PCSK6: variants seen among roughly 807,000 people sequenced by gnomAD.
PCSK6 encodes proprotein convertase subtilisin/kexin type 6.
In PCSK6, 85 loss-of-function variants were observed where a neutral mutation model predicts 123.3. The ratio of observed to expected loss-of-function variants is 0.69; its 90% CI spans 0.58 to 0.83. The LOEUF (loss-of-function observed/expected upper bound fraction) is 0.83. PCSK6 is among the 40% of genes least tolerant of loss of function. The pLI is 0.00. For missense variants in PCSK6, 1,191 were observed against 1,282.3 expected (o/e 0.93, Z 1.09); for synonymous variants, 508 against 516.0 (o/e 0.98, Z 0.21).
chr15:101,474,535 AC>A (rs935303803), intron 1 of PCSK6, among the ~76,000 whole-genome samples: 8 of 152,014 alleles, frequency 5.3e-5, no homozygotes, highest in South Asian at 4.2e-4. Flanking sequence ...CAGCAAATGA[AC>A]CCCCCTACCC....
At chr15:101,426,135 C>T (rs1442472833) in intron 6 of PCSK6, among the ~76,000 whole-genome samples, 2 of 152,200 alleles carry the variant, frequency 1.3e-5, no homozygotes, top group Middle Eastern at 3.2e-3. Flanking sequence ...CAAAGCAACA[C>T]AAATGGTTTT....
At chr15:101,442,643 G>C (rs1037718945) in intron 2 of PCSK6, among the ~76,000 whole-genome samples, 2 of 152,028 alleles carry the variant, frequency 1.3e-5, no homozygotes, top group Admixed American at 1.3e-4. Flanking sequence ...TCTGGAAATA[G>C]CTGAAATAAT....
rs113117643 is a variant in PCSK6 at position 101,339,910 on chromosome 15, A to AATATAT, written c.1859-7885_1859-7880dup. Among the ~76,000 whole-genome samples the AATATAT allele has an allele frequency of 5.8e-3, 846 of 146,984 alleles. 7 individuals carry two copies. The highest frequency in any genetic ancestry group is 0.012 in the South Asian group (56 of 4,568). On this transcript the variant is annotated intron_variant, in intron 13 of 21. Coordinates refer to ENST00000611716, the MANE Select transcript of PCSK6 (RefSeq NM_002570.5). Reference sequence around the variant, plus strand: ...GGGTGACAGAGCAAGACCCTTTCTCAATATATATATATATATATATATAAA... The same window carrying AATATAT: ...GGGTGACAGAGCAAGACCCTTTCTCAATATATATATATATATATATATATATATAAA...
chr15:101,321,074 C>T (rs1418197654), intron 18 of PCSK6, among the ~76,000 whole-genome samples: 1 of 152,220 alleles, frequency 6.6e-6, no homozygotes, highest in African/African-American at 2.4e-5. Context: ...GAACACAGAG[C>T]CTCCTCTTCC....
At chr15:101,486,658 G>A (rs974728614) in intron 1 of PCSK6, among the ~76,000 whole-genome samples, 1 of 152,194 alleles carries the variant, frequency 6.6e-6, no homozygotes, top group Non-Finnish European at 1.5e-5. Flanking sequence ...CTGAAAGGGA[G>A]CCATGACACA....
chr15:101,421,599 T>C (rs928620247), intron 6 of PCSK6, among the ~76,000 whole-genome samples: 1 of 152,146 alleles, frequency 6.6e-6, no homozygotes, highest in African/African-American at 2.4e-5. Context: ...AGCAACCCTC[T>C]GGAAAGGTAC....
At chr15:101,376,174 C>A (rs1415771109) in intron 11 of PCSK6, among the ~76,000 whole-genome samples, 3 of 152,126 alleles carry the variant, frequency 2.0e-5, no homozygotes, top group African/African-American at 7.2e-5. Flanking sequence ...CTCACTGGAG[C>A]CTTGACCTCC....
At chr15:101,408,402 A>G (rs1191823882) in intron 6 of PCSK6, among the ~76,000 whole-genome samples, 1 of 152,240 alleles carries the variant, frequency 6.6e-6, no homozygotes, top group Non-Finnish European at 1.5e-5. Context: ...TGCAGCCCAC[A>G]GCATTCGAGA....
At chr15:101,464,989 G>A (rs2057424309) in intron 1 of PCSK6, among the ~76,000 whole-genome samples, 1 of 152,134 alleles carries the variant, frequency 6.6e-6, no homozygotes, top group African/African-American at 2.4e-5. Context: ...GCAGGACCTG[G>A]GGAGAGGCTC....
intron 13 of PCSK6, among the ~76,000 whole-genome samples, chr15:101,352,589 A>C (rs865824529): frequency 1.3e-5 from 2 of 152,210 alleles, no homozygotes; most frequent in Non-Finnish European, 2.9e-5. Context: ...TATCCTTAGC[A>C]TATCTCTGTG....
chr15:101,374,526 G>A (rs568212442), intron 11 of PCSK6, among the ~76,000 whole-genome samples: 2 of 152,184 alleles, frequency 1.3e-5, no homozygotes, highest in Non-Finnish European at 2.9e-5. Flanking sequence ...CACTTGCTTT[G>A]TTCCTCACTG....
chr15:101,365,452 C>G (rs2041359484), intron 13 of PCSK6, among the ~76,000 whole-genome samples: 1 of 152,108 alleles, frequency 6.6e-6, no homozygotes, highest in African/African-American at 2.4e-5. Flanking sequence ...TCATATATTG[C>G]TGGCCGGAAT....
intron 1 of PCSK6, among the ~76,000 whole-genome samples, chr15:101,471,060 G>A (rs1183810068): frequency 2.0e-5 from 3 of 152,226 alleles, no homozygotes; most frequent in South Asian, 4.2e-4. Flanking sequence ...CTTAAACCAC[G>A]GACTCTGCTC....
At chr15:101,487,592 T>G (rs56094331) in intron 1 of PCSK6, among the ~76,000 whole-genome samples, 23,168 of 152,166 alleles carry the variant, frequency 0.15, 2,028 homozygotes, top group Middle Eastern at 0.23. Flanking sequence ...CAGCTCAATT[T>G]CAGCTCCATT....
intron 6 of PCSK6, among the ~76,000 whole-genome samples, chr15:101,416,002 G>A (rs1281196925): frequency 3.3e-5 from 5 of 152,196 alleles, no homozygotes; most frequent in Admixed American, 2.6e-4. Flanking sequence ...CCATAGAGTG[G>A]GCATTGCTGA....
chr15:101,305,015 C>G lies in PCSK6; in HGVS notation c.*243G>C, dbSNP rs565128049. The G allele has an allele frequency of 5.0e-5, 25 of 498,052 alleles. No homozygotes were observed. Among genetic ancestry groups the G allele is most frequent in the African/African-American group, 4.8e-4 (25 of 51,756 alleles). The allele number at this position is 498,052 out of a possible 1,614,324, so 30.9% of individuals were successfully genotyped here. On this transcript the variant is annotated 3_prime_UTR_variant, in exon 22 of 22. Transcript: ENST00000611716. The surrounding 1 kb of genome is among the most constrained non-coding windows in gnomAD (Gnocchi z 4.8). ...GTGGATTCCCAGAATTCATTTTGTTCCTGTTAGTTTGTCGGAAGACTGGAG... is the reference window on the plus strand; with the variant it reads ...GTGGATTCCCAGAATTCATTTTGTTGCTGTTAGTTTGTCGGAAGACTGGAG...
At chr15:101,330,811 CAG>C (rs2040357554) in intron 15 of PCSK6, among the ~76,000 whole-genome samples, 2 of 152,126 alleles carry the variant, frequency 1.3e-5, no homozygotes, top group Non-Finnish European at 2.9e-5. Flanking sequence ...CAGGGGGAAA[CAG>C]AGCAGATTAG....
chr15:101,485,115 C>G (rs1407501093), intron 1 of PCSK6, among the ~76,000 whole-genome samples: 2 of 152,168 alleles, frequency 1.3e-5, no homozygotes, highest in African/African-American at 2.4e-5. Flanking sequence ...TCTTCCGTGT[C>G]GGGAAATCCA....
chr15:101,367,667 C>T (rs774979145), intron 12 of PCSK6, among the ~76,000 whole-genome samples: 1 of 152,182 alleles, frequency 6.6e-6, no homozygotes, highest in Non-Finnish European at 1.5e-5. Context: ...ACCTGGCAAA[C>T]TGATAAAGCT....
Sources: gnomAD v4.1 joint callset for allele counts (sites outside exome capture counted in the v4.1 genomes callset) on GRCh38, gnomAD v4.1.1 for gene constraint, Gnocchi (gnomAD v3.1) non-coding constraint, MANE v1.5 for transcripts, NCBI Gene and HGNC (gene_info 2026-07-23, HGNC 2026-07-21) for gene names.